Variants in UNC5C observed in about 807,000 individuals in gnomAD.
UNC5C encodes the protein unc-5 netrin receptor C.
UNC5C carries 47 observed loss-of-function variants against 99.8 expected under a neutral mutation model. That is an observed-to-expected ratio of 0.47 (90% CI 0.37 to 0.60). UNC5C has a LOEUF of 0.60. Ranked by LOEUF, UNC5C falls within the 20% of genes least tolerant of loss-of-function variation. The probability of loss-of-function intolerance (pLI) is 0.00; values close to 1 mark genes in which losing one functional copy is unlikely to be tolerated. For missense variants in UNC5C, 1,062 were observed against 1,165.9 expected, an observed-to-expected ratio of 0.91 and a Z score of 1.30; for synonymous variants, 487 against 452.2, an observed-to-expected ratio of 1.08 and a Z score of -0.98.
chr4:95,218,845 T>C (rs1345977911), intron 9 of UNC5C, 124 bp downstream of exon 9: 2 of 897,594 alleles, frequency 2.2e-6, no homozygotes, highest in Non-Finnish European at 3.3e-6. Flanking sequence ...AAAGTAGATT[T>C]GGGCTGGATA....
rs577448481 is a variant in UNC5C, at chr4:95,163,229, T to A, written c.*6005A>T. The A allele has an allele frequency of 7.6e-4, 116 of 152,334 alleles. No individual in the cohort carries two copies. The highest frequency in any genetic ancestry group is 2.7e-3 in the African/African-American group (111 of 41,576). The allele number at this position is 152,334 out of a possible 1,614,324, so 9.4% of individuals were successfully genotyped here. ...TGTCCATGGCCTGGAGGAGTAGACA[T>A]CTGAGTTTTTACCCCTACATGTACA... On this transcript the variant is annotated 3_prime_UTR_variant, in exon 16 of 16. Coordinates refer to ENST00000453304, the MANE Select transcript of UNC5C (RefSeq NM_003728.4).
chr4:95,177,379 G>A (rs1736408191), intron 14 of UNC5C, among the ~76,000 whole-genome samples: 1 of 148,938 alleles, frequency 6.7e-6, no homozygotes, highest in Non-Finnish European at 1.5e-5. Flanking sequence ...CTCAGCTCAG[G>A]GGCTCAACAC....
At chr4:95,242,622 C>T in intron 6 of UNC5C, 29 bp from the exon 7 acceptor site, 1 of 1,522,920 alleles carries the variant, frequency 6.6e-7, no homozygotes, top group South Asian at 1.3e-5. Flanking sequence ...AGCAGGAGGT[C>T]AGAGGGAGAG....
chr4:95,252,733 ACATGACCTCATGACCGGTTG>A (rs1428825502), intron 4 of UNC5C, among the ~76,000 whole-genome samples: 5 of 152,182 alleles, frequency 3.3e-5, no homozygotes, highest in Admixed American at 3.3e-4. Flanking sequence ...AAAATCCCAC[ACATGACCTCATGACCGGTTG>A]CAGTCAAAAT....
intron 1 of UNC5C, among the ~76,000 whole-genome samples, chr4:95,490,533 A>G (rs961695795): frequency 2.0e-5 from 3 of 151,760 alleles, no homozygotes; most frequent in African/African-American, 7.2e-5. Context: ...CACATAATAG[A>G]TTCATCTGCA....
chr4:95,226,612 A>G (rs1221769012), intron 7 of UNC5C, among the ~76,000 whole-genome samples: 1 of 152,166 alleles, frequency 6.6e-6, no homozygotes, highest in East Asian at 1.9e-4. Context: ...TTTTCAGAGA[A>G]GCCGTATGCA....
chr4:95,503,362 C>T (rs912632095), intron 1 of UNC5C, among the ~76,000 whole-genome samples: 1 of 152,054 alleles, frequency 6.6e-6, no homozygotes, highest in African/African-American at 2.4e-5. Context: ...TTTAAATTGG[C>T]CAGTCTGTGG....
chr4:95,273,008 C>A (rs1740715054), intron 4 of UNC5C, among the ~76,000 whole-genome samples: 1 of 152,190 alleles, frequency 6.6e-6, no homozygotes, highest in Non-Finnish European at 1.5e-5. Context: ...TTTGGCGGAG[C>A]CTCCAGCTGC....
At chr4:95,318,111 A>G (rs1244014253) in intron 2 of UNC5C, among the ~76,000 whole-genome samples, 1 of 152,156 alleles carries the variant, frequency 6.6e-6, no homozygotes, top group Non-Finnish European at 1.5e-5. Context: ...TGCAGATAAA[A>G]ATATGTTCAC....
rs567494500 is a variant in UNC5C, at chr4:95,169,395, A to G, written c.2635T>C (p.Leu879=). The stretch of plus-strand genomic sequence containing the variant: ...CTGGATTTGGTGGCAAAGTAATTCA[A>G]GTACCTGTAATTGGGAAAGAGAAAA... ...LAHKLNLDRY[L]NYFATKSSPT... is the part of the protein sequence containing the mutation. The change falls in exon 16 of 16, where the codon TTG becomes CTG. Residue 879 remains leucine, a synonymous_variant. Transcript: ENST00000453304. 17 of 1,613,918 alleles carry G rather than the reference A, an allele frequency of 1.1e-5. No individual in the cohort carries two copies. In the Admixed American group the frequency reaches 2.8e-4, roughly 27 times the overall value.
intron 1 of UNC5C, among the ~76,000 whole-genome samples, chr4:95,353,071 T>C (rs1744045754): frequency 6.6e-6 from 1 of 152,166 alleles, no homozygotes; most frequent in African/African-American, 2.4e-5. Flanking sequence ...TTTTTCCACT[T>C]TCACTTATTT....
intron 1 of UNC5C, among the ~76,000 whole-genome samples, chr4:95,426,981 T>C (rs1038844855): frequency 6.6e-6 from 1 of 152,224 alleles, no homozygotes; most frequent in Non-Finnish European, 1.5e-5. Flanking sequence ...AACAGATTTT[T>C]AATGTAGACA....
chr4:95,180,316 A>G (rs1306496697), intron 14 of UNC5C, among the ~76,000 whole-genome samples: 3 of 152,250 alleles, frequency 2.0e-5, no homozygotes, highest in Non-Finnish European at 4.4e-5. Flanking sequence ...GAAACAAAAT[A>G]GAAGATGTGA....
intron 9 of UNC5C, 34 bp from the exon 10 acceptor site, chr4:95,216,245 A>ACTT: frequency 6.4e-7 from 1 of 1,561,186 alleles, no homozygotes; most frequent in Non-Finnish European, 8.8e-7. Flanking sequence ...GTCATTTAAG[A>ACTT]CTTTTGCAGC....
chr4:95,536,071 T>C (rs1262443977), intron 1 of UNC5C, among the ~76,000 whole-genome samples: 1 of 113,670 alleles, frequency 8.8e-6, no homozygotes, highest in African/African-American at 3.0e-5. Flanking sequence ...CATATATATA[T>C]ATATATATAT....
At chr4:95,419,499 G>A (rs1477190556) in intron 1 of UNC5C, among the ~76,000 whole-genome samples, 1 of 152,156 alleles carries the variant, frequency 6.6e-6, no homozygotes, top group Non-Finnish European at 1.5e-5. Context: ...ACTGAAAAGA[G>A]ATTGTGTTCC....
At chr4:95,303,458 T>G (rs1251922028) in intron 2 of UNC5C, among the ~76,000 whole-genome samples, 1 of 152,168 alleles carries the variant, frequency 6.6e-6, no homozygotes, top group Non-Finnish European at 1.5e-5. Flanking sequence ...GGCGGATCAC[T>G]TGAGGTAAGG....
chr4:95,255,909 G>A (rs765982435), intron 4 of UNC5C, among the ~76,000 whole-genome samples: 25 of 151,874 alleles, frequency 1.6e-4, no homozygotes, highest in South Asian at 2.1e-4. Context: ...CACTGAGCCC[G>A]CTCTAATCTG....
intron 1 of UNC5C, among the ~76,000 whole-genome samples, chr4:95,488,785 T>C (rs956082174): frequency 2.6e-5 from 4 of 151,632 alleles, no homozygotes; most frequent in Non-Finnish European, 4.4e-5. Context: ...GAGGCAAAAA[T>C]TGTTAGCATA....
Sources: gnomAD v4.1 joint callset for allele counts (sites outside exome capture counted in the v4.1 genomes callset) on GRCh38, gnomAD v4.1.1 for gene constraint, MANE v1.5 for transcripts, NCBI Gene and HGNC (gene_info 2026-07-23, HGNC 2026-07-21) for gene names.